Variants in CCDC7 observed in about 807,000 individuals in gnomAD.
The protein encoded by CCDC7 is coiled-coil domain-containing protein 7.
Under a neutral mutation model 196.9 loss-of-function variants are expected in CCDC7, and 183 were observed. The ratio of observed to expected loss-of-function variants is 0.93; its 90% CI spans 0.82 to 1.05. CCDC7 has a LOEUF of 1.05. Ranked by LOEUF, CCDC7 falls within the 50% of genes least tolerant of loss-of-function variation. The pLI is 0.00. For synonymous variants in CCDC7, 525 were observed against 484.6 expected, an observed-to-expected ratio of 1.08 and a Z score of -1.10; for missense variants, 1,540 against 1,482.2, an observed-to-expected ratio of 1.04 and a Z score of -0.64.
At chr10:32,575,357 G>A (rs1299757655) in intron 16 of CCDC7, among the ~76,000 whole-genome samples, 1 of 152,126 alleles carries the variant, frequency 6.6e-6, no homozygotes, top group Non-Finnish European at 1.5e-5. Context: ...TATTACTAGT[G>A]ACCCAAATAG....
chr10:32,486,462 C>A (rs1404519712), intron 8 of CCDC7, among the ~76,000 whole-genome samples: 1 of 150,792 alleles, frequency 6.6e-6, no homozygotes, highest in Non-Finnish European at 1.5e-5. Flanking sequence ...ATTTGCCAGT[C>A]TGTGTCTTTT....
At chr10:32,614,891 A>G (rs1423988936) in intron 18 of CCDC7, among the ~76,000 whole-genome samples, 1 of 152,160 alleles carries the variant, frequency 6.6e-6, no homozygotes, top group Non-Finnish European at 1.5e-5. Flanking sequence ...GAGAACATGC[A>G]GTTTTTGATT....
chr10:32,459,593 T>C (rs192290239), intron 3 of CCDC7, among the ~76,000 whole-genome samples: 2 of 151,714 alleles, frequency 1.3e-5, no homozygotes, highest in African/African-American at 4.8e-5. Flanking sequence ...TTTAACTGTT[T>C]TTCAGAGTTC....
chr10:32,571,225 T>C lies in CCDC7; in HGVS notation c.1420-634T>C, dbSNP rs984360137. Among the ~76,000 whole-genome samples, 5 of 152,254 alleles carry C rather than the reference T, an allele frequency of 3.3e-5. No homozygotes were observed. In the East Asian group the frequency reaches 7.7e-4, roughly 24 times the overall value. On this transcript the variant is annotated intron_variant, in intron 15 of 41. Transcript: ENST00000639629. ...GGTTTCACCATGTTGGCCATGGTAG[T>C]CTTGAACTCCTGACCTCAGGTGATC... is the stretch of plus-strand genomic sequence containing the variant.
intron 8 of CCDC7, among the ~76,000 whole-genome samples, chr10:32,489,634 T>A (rs1381609660): frequency 6.6e-6 from 1 of 152,204 alleles, no homozygotes; most frequent in African/African-American, 2.4e-5. Context: ...AGGATTGAGC[T>A]GTGGCTTAGC....
At chr10:32,512,825 CA>C (rs1410429348) in intron 9 of CCDC7, 1 of 151,752 alleles carries the variant, frequency 6.6e-6, no homozygotes, top group Non-Finnish European at 1.5e-5. Context: ...AAAAATTGGC[CA>C]ATAAACATTT....
At chr10:32,540,806 T>A (rs2051281607) in intron 11 of CCDC7, among the ~76,000 whole-genome samples, 1 of 152,196 alleles carries the variant, frequency 6.6e-6, no homozygotes, top group African/African-American at 2.4e-5. Flanking sequence ...TTTATCATTT[T>A]TTCTTTCATG....
intron 18 of CCDC7, among the ~76,000 whole-genome samples, chr10:32,603,970 A>G (rs979150915): frequency 6.6e-6 from 1 of 151,876 alleles, no homozygotes; most frequent in Admixed American, 6.6e-5. Context: ...CCATTTGTCT[A>G]TTTTTGTTGT....
chr10:32,781,069 A>T (rs556367432), intron 29 of CCDC7, among the ~76,000 whole-genome samples: 2 of 152,192 alleles, frequency 1.3e-5, no homozygotes, highest in Non-Finnish European at 2.9e-5. Context: ...ACCTAGAGGA[A>T]ATGAACAAAT....
intron 3 of CCDC7, among the ~76,000 whole-genome samples, chr10:32,461,737 A>ATATATATATGTG (rs2035761663): frequency 7.2e-5 from 5 of 69,482 alleles, no homozygotes; most frequent in African/African-American, 3.0e-4. Flanking sequence ...ATATGTATAT[A>ATATATATATGTG]TATATATATA....
chr10:32,487,899 G>C (rs1251628224), intron 8 of CCDC7, among the ~76,000 whole-genome samples: 1 of 152,184 alleles, frequency 6.6e-6, no homozygotes. Context: ...GCCCTTTCTG[G>C]GGGGTGCCTC....
chr10:32,551,711 G>T (rs2053503413), intron 13 of CCDC7, among the ~76,000 whole-genome samples: 1 of 152,048 alleles, frequency 6.6e-6, no homozygotes, highest in South Asian at 2.1e-4. Flanking sequence ...TGGTTTTGAA[G>T]GTTCCTTTTG....
intron 30 of CCDC7, among the ~76,000 whole-genome samples, chr10:32,812,783 T>G (rs1299038516): frequency 6.6e-6 from 1 of 152,126 alleles, no homozygotes; most frequent in Non-Finnish European, 1.5e-5. Context: ...ATGGTCTCAT[T>G]TTTTTCCCTG....
intron 41 of CCDC7, among the ~76,000 whole-genome samples, chr10:32,865,077 T>G (rs1458391721): frequency 6.6e-6 from 1 of 151,850 alleles, no homozygotes; most frequent in Non-Finnish European, 1.5e-5. Flanking sequence ...TTAGTAACCA[T>G]TAAAGTAAGC....
chr10:32,770,705 A>C (rs2134069292), intron 28 of CCDC7, among the ~76,000 whole-genome samples: 1 of 152,292 alleles, frequency 6.6e-6, no homozygotes, highest in East Asian at 1.9e-4. Context: ...GAGTGTTATC[A>C]GTGGTCTATT....
intron 32 of CCDC7, among the ~76,000 whole-genome samples, chr10:32,828,521 A>G (rs1395214797): frequency 8.7e-5 from 13 of 149,734 alleles, no homozygotes; most frequent in African/African-American, 3.2e-4. Flanking sequence ...AAGAAGAAGA[A>G]GAAGAAGAAG....
intron 33 of CCDC7, among the ~76,000 whole-genome samples, chr10:32,837,906 C>T (rs2092729784): frequency 7.2e-6 from 1 of 138,162 alleles, no homozygotes; most frequent in Non-Finnish European, 1.5e-5. Context: ...AGGGGAACAT[C>T]ACACACCGGG....
chr10:32,780,096 G>C (rs1262516924), intron 29 of CCDC7, among the ~76,000 whole-genome samples: 1 of 152,134 alleles, frequency 6.6e-6, no homozygotes, highest in African/African-American at 2.4e-5. Flanking sequence ...AATTAGACAG[G>C]CATGGTGGTA....
chr10:32,443,942 G>C (rs1334346306), upstream of CCDC7, among the ~76,000 whole-genome samples: 1 of 151,912 alleles, frequency 6.6e-6, no homozygotes, highest in Non-Finnish European at 1.5e-5. Flanking sequence ...CCATTAATAT[G>C]GTACATAATC....
Sources: gnomAD v4.1 joint callset for allele counts (sites outside exome capture counted in the v4.1 genomes callset) on GRCh38, gnomAD v4.1.1 for gene constraint, MANE v1.5 for transcripts, NCBI Gene and HGNC (gene_info 2026-07-23, HGNC 2026-07-21) for gene names.